Variants in IGSF9 observed in about 807,000 individuals in gnomAD.
IGSF9 encodes the protein protein turtle homolog A.
IGSF9 carries 87 observed loss-of-function variants against 121.7 expected under a neutral mutation model. The ratio of observed to expected loss-of-function variants is 0.71; its 90% CI spans 0.60 to 0.85. The LOEUF is 0.85. Ranked by LOEUF, IGSF9 falls within the 40% of genes least tolerant of loss-of-function variation. The probability of loss-of-function intolerance (pLI) is 0.00; values close to 1 mark genes in which losing one functional copy is unlikely to be tolerated. For synonymous variants in IGSF9, 640 were observed against 648.4 expected (o/e 0.99, Z 0.20); for missense variants, 1,462 against 1,565.3 (o/e 0.93, Z 1.11).
At position 159,932,783 on chromosome 1, in the gene IGSF9, G is replaced by T; in HGVS notation, c.1105-131C>A. 1.2e-6 allele frequency: 1 copy of T among 834,076 alleles called. No homozygotes were observed. Among genetic ancestry groups the T allele is most frequent in the Non-Finnish European group, 1.8e-6 (1 of 553,008 alleles). The allele number at this position is 834,076 out of a possible 1,614,324, so 51.7% of individuals were successfully genotyped here. ...AAGACTCCAGCAGCTCCATGTCTAGGCCTGACCCCTCTCTGATTTCCAGTG... is the reference window on the plus strand; with the variant it reads ...AAGACTCCAGCAGCTCCATGTCTAGTCCTGACCCCTCTCTGATTTCCAGTG... On this transcript the variant is annotated intron_variant, in intron 9 of 20. Transcript: ENST00000368094. The surrounding 1 kb of genome is among the most constrained non-coding windows in gnomAD (Gnocchi z 4.1).
At chr1:159,943,342 C>T (rs1651467541) in intron 2 of IGSF9, 55 bp downstream of exon 2, 1 of 1,480,414 alleles carries the variant, frequency 6.8e-7, no homozygotes, top group Non-Finnish European at 9.0e-7. Context: ...GAGGAACACC[C>T]CCATACCCAC....
chr1:159,945,255 C>A (rs945180293), intron 1 of IGSF9, among the ~76,000 whole-genome samples: 20 of 151,864 alleles, frequency 1.3e-4, no homozygotes, highest in African/African-American at 4.1e-4. Context: ...TGGGATTCTC[C>A]TGCATCAGCC....
At chr1:159,936,697 G>GC (rs1248725899) in intron 5 of IGSF9, 57 bp downstream of exon 5, 1 of 1,592,466 alleles carries the variant, frequency 6.3e-7, no homozygotes, top group African/African-American at 1.3e-5. Context: ...CCACTGCCAG[G>GC]CCCCCACCTT....
intron 3 of IGSF9, among the ~76,000 whole-genome samples, chr1:159,941,303 A>G (rs549526464): frequency 8.5e-5 from 13 of 152,298 alleles, no homozygotes; most frequent in Admixed American, 8.5e-4. Context: ...GTTGCTTAGC[A>G]ACTGCAGTTC....
Position 159,932,875 on chromosome 1 carries a change from G to T in IGSF9, c.1105-223C>A. The T allele has an allele frequency of 8.1e-6, 4 of 492,756 alleles. No homozygotes were observed. Among genetic ancestry groups the T allele is most frequent in the Non-Finnish European group, 1.4e-5 (4 of 281,992 alleles). The allele number at this position is 492,756 out of a possible 1,614,324, so 30.5% of individuals were successfully genotyped here. On this transcript the variant is annotated intron_variant, in intron 9 of 20. Coordinates refer to ENST00000368094, the MANE Select transcript of IGSF9 (RefSeq NM_001135050.2). This position sits in a 1 kb window ranked among gnomAD's most constrained non-coding sequence, Gnocchi z 4.1. ...AGGCTGTGACTGCACAACTCCAGGG[G>T]GTGCCACTCACAGAAAATACACTGT...
chr1:159,929,263 C>G (rs910819057), intron 18 of IGSF9, 88 bp downstream of exon 18: 1 of 1,502,342 alleles, frequency 6.7e-7, no homozygotes, highest in Non-Finnish European at 9.3e-7. Context: ...CCCAACATCC[C>G]CCTGGTAAAG....
chr1:159,929,237 T>C, intron 18 of IGSF9, 114 bp downstream of exon 18: 1 of 1,420,022 alleles, frequency 7.0e-7, no homozygotes, highest in Non-Finnish European at 1.0e-6. Context: ...TCTCCCACTT[T>C]TGTTCCTCCC....
At position 159,943,145 on chromosome 1, in the gene IGSF9, C is replaced by T. The variant is rs752173288; in HGVS notation, c.65G>A (p.Gly22Glu). Residue 22 changes from glycine to glutamate, a missense_variant, in exon 3 of 21, where the codon GGG becomes GAG. Transcript: ENST00000368094. ...LVISQGADGR[G>E]KPEVVSVVGR... ...CACCACCGATACCACCTCAGGCTTC[C>T]CTCGACCTGCATGATGGGTGGCATG... 12 of 1,587,292 alleles carry T rather than the reference C, an allele frequency of 7.6e-6. No homozygotes were observed. In the South Asian group the frequency reaches 1.0e-4, roughly 14 times the overall value.
In IGSF9 at chr1:159,937,735, G is replaced by A. The variant is rs2101880846; in HGVS notation, c.351C>T (p.Ile117=). 6.2e-7 allele frequency: 1 copy of A among 1,614,038 alleles called. No homozygotes were observed. Among genetic ancestry groups the A allele is most frequent in the Non-Finnish European group, 8.5e-7 (1 of 1,179,962 alleles). The change falls in exon 4 of 21, where the codon ATC becomes ATT. Residue 117 remains isoleucine (I), a synonymous_variant. Transcript: ENST00000368094. ...AGCCGTTAGCAAAATCGTCTTCAGG[G>A]ATGTGCTGGTCCAGGAAGAACACGC... The part of the protein sequence containing the change: ...ECRVFFLDQH[I]PEDDFANGSW...
chr1:159,942,119 A>G (rs1651402798), intron 3 of IGSF9, among the ~76,000 whole-genome samples: 1 of 152,214 alleles, frequency 6.6e-6, no homozygotes, highest in Non-Finnish European at 1.5e-5. Context: ...CTCTCGCCCC[A>G]TAGCCCAGAC....
At chr1:159,929,570 A>G in intron 17 of IGSF9, 68 bp downstream of exon 17, 1 of 1,522,070 alleles carries the variant, frequency 6.6e-7, no homozygotes, top group South Asian at 1.2e-5. Flanking sequence ...CTTTTCCCCC[A>G]GGTAGGAGGG....
In IGSF9 at chr1:159,928,501, TG is replaced by T; in HGVS notation, c.2886del (p.Thr963ProfsTer24). ...PPDYMDTRRC[P>X]TSSFLRSPET... is the part of the protein sequence containing the mutation. ...TCTGGAGAACGAAGGAAAGATGAGG[TG>T]GGACAGCGCCGGGTATCCATGTAAT... is the stretch of plus-strand genomic sequence containing the variant. On this transcript the variant is annotated frameshift_variant, in exon 19 of 21. Coordinates refer to ENST00000368094, the MANE Select transcript of IGSF9 (RefSeq NM_001135050.2). LOFTEE classifies it high-confidence loss of function. The T allele has an allele frequency of 6.3e-7, 1 of 1,578,886 alleles. No individual in the cohort carries two copies. The highest frequency in any genetic ancestry group is 1.2e-5 in the South Asian group (1 of 86,814).
chr1:159,943,220 G>C, intron 2 of IGSF9, 69 bp from the exon 3 acceptor site: 3 of 1,403,698 alleles, frequency 2.1e-6, no homozygotes, highest in South Asian at 2.8e-5. Flanking sequence ...AGTGCCATCA[G>C]TATCTCTGTA....
At position 159,929,033 on chromosome 1, in the gene IGSF9, G is replaced by A. The variant is rs1650872477; in HGVS notation, c.2370-15C>T. 6.6e-7 allele frequency: 1 copy of A among 1,513,064 alleles called. No homozygotes were observed. The highest frequency in any genetic ancestry group is 8.8e-7 in the Non-Finnish European group (1 of 1,132,580). The allele number at this position is 1,513,064 out of a possible 1,614,324, so 93.7% of individuals were successfully genotyped here. A position where few individuals can be genotyped will look rare whatever the true frequency, so the allele number is the denominator to read the frequency against. ...CCAGAGCAGAGCTGGGGAAGGACAG[G>A]AGATCAGGGTCTGTGGTAGGGGCAG... is the stretch of plus-strand genomic sequence containing the variant. On this transcript the variant is annotated splice_polypyrimidine_tract_variant and intron_variant, in intron 18 of 20. Coordinates refer to ENST00000368094, the MANE Select transcript of IGSF9 (RefSeq NM_001135050.2).
intron 17 of IGSF9, 121 bp from the exon 18 acceptor site, chr1:159,929,514 A>G: frequency 2.0e-6 from 3 of 1,485,810 alleles, no homozygotes; most frequent in Non-Finnish European, 2.7e-6. Context: ...AGGCAGGACC[A>G]GATGCAGGAC....
chr1:159,940,204 G>A (rs1011899538), intron 3 of IGSF9, among the ~76,000 whole-genome samples: 4 of 152,216 alleles, frequency 2.6e-5, no homozygotes, highest in Admixed American at 2.0e-4. Flanking sequence ...CCATGGACAC[G>A]GGTGTTAGGA....
At chr1:159,935,849 C>A (rs944467599) in intron 6 of IGSF9, among the ~76,000 whole-genome samples, 9 of 152,188 alleles carry the variant, frequency 5.9e-5, no homozygotes, top group South Asian at 2.1e-4. Flanking sequence ...CAGACGACAC[C>A]TTTAACCATT....
intron 9 of IGSF9, chr1:159,933,809 C>G (rs1484405302): frequency 3.6e-6 from 1 of 277,104 alleles, no homozygotes; most frequent in Non-Finnish European, 7.0e-6. Flanking sequence ...AGGATGGATG[C>G]CTCCTTGCCC....
rs1472772464 is a variant in IGSF9, at chr1:159,928,925, C to T, written c.2463G>A (p.Gly821=). The change falls in exon 19 of 21, where the codon GGG becomes GGA. Residue 821 remains glycine (G), a synonymous_variant. Coordinates refer to ENST00000368094, the MANE Select transcript of IGSF9 (RefSeq NM_001135050.2). ...VPSLRQSLLW[G]DPAGTPSPHP... ...GGGGGCTGGGAGTTCCGGCAGGATC[C>T]CCCCAGAGCAGACTCTGGCGCAGGC... The T allele has an allele frequency of 6.4e-7, 1 of 1,574,068 alleles. No individual in the cohort carries two copies. Among genetic ancestry groups the T allele is most frequent in the Non-Finnish European group, 8.6e-7 (1 of 1,162,268 alleles).
Sources: allele counts gnomAD v4.1 joint callset (sites outside exome capture counted in the v4.1 genomes callset), GRCh38; gene constraint gnomAD v4.1.1; non-coding constraint Gnocchi (gnomAD v3.1); transcripts MANE v1.5; gene names NCBI Gene and HGNC (gene_info 2026-07-23, HGNC 2026-07-21).